TMEM266: variants seen among roughly 807,000 people sequenced by gnomAD.
The protein encoded by TMEM266 is transmembrane protein 266.
TMEM266 carries 33 observed loss-of-function variants against 50.5 expected under a neutral mutation model. That is an observed-to-expected ratio of 0.65 (90% CI 0.50 to 0.87). The LOEUF is 0.87. Among genes scored for constraint, TMEM266 ranks in the 40% least tolerant of loss-of-function variants. TMEM266 has a pLI of 0.00. For missense variants in TMEM266, 655 were observed against 695.1 expected (o/e 0.94, Z 0.65); for synonymous variants, 310 against 292.3 (o/e 1.06, Z -0.62).
intron 1 of TMEM266, among the ~76,000 whole-genome samples, chr15:76,072,379 G>A (rs1178340857): frequency 6.6e-5 from 10 of 150,964 alleles, no homozygotes; most frequent in Non-Finnish European, 1.3e-4. Context: ...TGGAGGTTGC[G>A]GTGAGCCGAG....
intron 1 of TMEM266, among the ~76,000 whole-genome samples, chr15:76,088,753 C>T (rs887485815): frequency 5.3e-5 from 8 of 151,360 alleles, no homozygotes; most frequent in Admixed American, 3.3e-4. Context: ...GCTGAGATCA[C>T]GCCACTGCAC....
chr15:76,195,329 G>A (rs1038185526), intron 9 of TMEM266, among the ~76,000 whole-genome samples: 2 of 152,194 alleles, frequency 1.3e-5, no homozygotes, highest in Non-Finnish European at 2.9e-5. Flanking sequence ...ACTGATCAAA[G>A]AACAAAATAA....
chr15:76,115,942 A>T lies in TMEM266; in HGVS notation c.-96-18226A>T, dbSNP rs574619407. 4.9e-4 allele frequency among the ~76,000 whole-genome samples: 74 copies of T among 152,260 alleles called. 1 individual carries two copies. In the South Asian group the frequency reaches 0.011, roughly 22 times the overall value. ...GTGACAACAGTGATGTTTTTACTGGAGCAGTGCTCAGCAGATGCTCGGTGT... is the reference window on the plus strand; with the variant it reads ...GTGACAACAGTGATGTTTTTACTGGTGCAGTGCTCAGCAGATGCTCGGTGT... On this transcript the variant is annotated intron_variant, in intron 1 of 10. Coordinates refer to ENST00000388942, the MANE Select transcript of TMEM266 (RefSeq NM_152335.3).
At position 76,161,322 on chromosome 15, in the gene TMEM266, C is replaced by G. The variant is rs534294739; in HGVS notation, c.456+1154C>G. ...TACCTGAGGCACAGGGGCTCTGGGACCCCGAGACGGGGGGCCTTGAAGGGA... is the reference window on the plus strand; with the variant it reads ...TACCTGAGGCACAGGGGCTCTGGGAGCCCGAGACGGGGGGCCTTGAAGGGA... On this transcript the variant is annotated intron_variant, in intron 5 of 10. Coordinates refer to ENST00000388942, the MANE Select transcript of TMEM266 (RefSeq NM_152335.3). This position sits in a 1 kb window ranked among gnomAD's most constrained non-coding sequence, Gnocchi z 4.1. Among the ~76,000 whole-genome samples, 1 of 152,222 alleles carries G rather than the reference C, an allele frequency of 6.6e-6. No individual in the cohort carries two copies. Among genetic ancestry groups the G allele is most frequent in the East Asian group, 1.9e-4 (1 of 5,166 alleles).
intron 9 of TMEM266, among the ~76,000 whole-genome samples, chr15:76,200,237 G>A (rs1459053029): frequency 1.3e-5 from 2 of 152,156 alleles, no homozygotes; most frequent in African/African-American, 4.8e-5. Flanking sequence ...AGCCCTCTCA[G>A]GCCGGTATCC....
chr15:76,202,354 C>A, intron 10 of TMEM266, 90 bp downstream of exon 10: 2 of 1,154,464 alleles, frequency 1.7e-6, no homozygotes, highest in Non-Finnish European at 2.5e-6. Flanking sequence ...AAAGCATGCC[C>A]ATCACCTGGT....
chr15:76,105,427 G>A (rs2037065992), intron 1 of TMEM266, among the ~76,000 whole-genome samples: 1 of 152,112 alleles, frequency 6.6e-6, no homozygotes, highest in African/African-American at 2.4e-5. Context: ...TGCTAATCGT[G>A]TCACTTTGTC....
intron 1 of TMEM266, among the ~76,000 whole-genome samples, chr15:76,110,030 C>A (rs2037144930): frequency 6.6e-6 from 1 of 151,262 alleles, no homozygotes; most frequent in African/African-American, 2.4e-5. Flanking sequence ...GACAGAGTCT[C>A]ACCCTGTCGC....
intron 8 of TMEM266, among the ~76,000 whole-genome samples, chr15:76,177,064 C>G (rs1411140395): frequency 6.6e-6 from 1 of 152,204 alleles, no homozygotes; most frequent in Non-Finnish European, 1.5e-5. Flanking sequence ...CCTAGCCTCT[C>G]TACAGAGCAT....
At chr15:76,081,347 C>G (rs972349798) in intron 1 of TMEM266, among the ~76,000 whole-genome samples, 1 of 152,212 alleles carries the variant, frequency 6.6e-6, no homozygotes, top group Non-Finnish European at 1.5e-5. Flanking sequence ...GCCAGAGTAA[C>G]TTCTGCATCC....
At chr15:76,120,140 A>G (rs542130177) in intron 1 of TMEM266, among the ~76,000 whole-genome samples, 1 of 152,234 alleles carries the variant, frequency 6.6e-6, no homozygotes, top group East Asian at 1.9e-4. Flanking sequence ...AATCTATTCC[A>G]TGCAAATGAA....
intron 1 of TMEM266, among the ~76,000 whole-genome samples, chr15:76,085,772 C>T (rs966056291): frequency 3.3e-5 from 5 of 151,798 alleles, no homozygotes; most frequent in Admixed American, 6.6e-5. Flanking sequence ...ACAGGCTGGG[C>T]GTGGTGGCTT....
chr15:76,098,015 G>A (rs1343897074), intron 1 of TMEM266, among the ~76,000 whole-genome samples: 1 of 151,816 alleles, frequency 6.6e-6, no homozygotes, highest in Non-Finnish European at 1.5e-5. Flanking sequence ...TTTTTTCAAG[G>A]TTCTTAGCTT....
chr15:76,144,003 G>A (rs2037719405), intron 3 of TMEM266, among the ~76,000 whole-genome samples: 1 of 152,066 alleles, frequency 6.6e-6, no homozygotes, highest in Non-Finnish European at 1.5e-5. Flanking sequence ...CTGCCTCTGA[G>A]TTGGCTGCAT....
intron 1 of TMEM266, among the ~76,000 whole-genome samples, chr15:76,130,419 T>TAAC (rs2037492242): frequency 6.6e-6 from 1 of 152,120 alleles, no homozygotes. Flanking sequence ...CACACGCCTG[T>TAAC]AATCCCAGCT....
intron 1 of TMEM266, among the ~76,000 whole-genome samples, chr15:76,119,391 CAAAAAAAAAAA>C (rs57532855): frequency 4.6e-5 from 5 of 109,792 alleles, no homozygotes; most frequent in South Asian, 2.8e-4. Context: ...GGGTTTATGG[CAAAAAAAAAAA>C]AAAAAAAAAA....
chr15:76,184,982 G>A (rs2456051), intron 8 of TMEM266, among the ~76,000 whole-genome samples: 37,932 of 152,040 alleles, frequency 0.25, 4,988 homozygotes, highest in African/African-American at 0.3. Context: ...TGCTTCATCG[G>A]AGCCACTGTG....
At chr15:76,203,566 G>T (rs939919546) in intron 10 of TMEM266, among the ~76,000 whole-genome samples, 175 bp from the exon 11 acceptor site, 2 of 152,208 alleles carry the variant, frequency 1.3e-5, no homozygotes, top group Non-Finnish European at 2.9e-5. Context: ...TCAAAGCAGG[G>T]CAGTGATGTT....
intron 3 of TMEM266, among the ~76,000 whole-genome samples, chr15:76,154,088 C>T (rs2037886039): frequency 6.6e-6 from 1 of 152,212 alleles, no homozygotes; most frequent in Non-Finnish European, 1.5e-5. Context: ...CACAGCCGCC[C>T]TCACCAGGCC....
Sources: allele counts gnomAD v4.1 joint callset (sites outside exome capture counted in the v4.1 genomes callset), GRCh38; gene constraint gnomAD v4.1.1; non-coding constraint Gnocchi (gnomAD v3.1); transcripts MANE v1.5; gene names NCBI Gene and HGNC (gene_info 2026-07-23, HGNC 2026-07-21).